DENND1B: variants seen among roughly 807,000 people sequenced by gnomAD.
The protein encoded by DENND1B is DENN domain-containing protein 1B.
A neutral mutation model predicts 90.1 loss-of-function variants in DENND1B; 59 were observed. The observed-to-expected ratio is 0.65, with a 90% confidence interval of 0.53 to 0.81. The LOEUF is 0.81. DENND1B is among the 40% of genes least tolerant of loss of function. The probability of loss-of-function intolerance (pLI) is 0.00; values close to 1 mark genes in which losing one functional copy is unlikely to be tolerated. For synonymous variants in DENND1B, 337 were observed against 324.6 expected (o/e 1.04, Z -0.41); for missense variants, 862 against 912.6 (o/e 0.94, Z 0.71).
At chr1:197,540,851 T>C in intron 19 of DENND1B, 108 bp downstream of exon 19, 2 of 1,011,784 alleles carry the variant, frequency 2.0e-6, no homozygotes, top group South Asian at 1.5e-5. Flanking sequence ...AACAAAGGGC[T>C]AAGCATATTT....
In DENND1B at chr1:197,507,149, C is replaced by CATTATT. The variant is rs67506479; in HGVS notation, c.*3305_*3310dup. On this transcript the variant is annotated 3_prime_UTR_variant, in exon 23 of 23. Coordinates refer to ENST00000620048, the MANE Select transcript of DENND1B (RefSeq NM_001195215.2). Reference sequence around the variant, plus strand: ...CAGCTAATAACTTCCAGGCAAAACACATTATTATTATTATTATTATTATTA... The same window carrying CATTATT: ...CAGCTAATAACTTCCAGGCAAAACACATTATTATTATTATTATTATTATTATTATTA... The CATTATT allele has an allele frequency of 1.4e-5, 2 of 142,828 alleles. No individual in the cohort carries two copies. The highest frequency in any genetic ancestry group is 5.1e-5 in the African/African-American group (2 of 39,306). The allele number at this position is 142,828 out of a possible 1,614,324, so 8.8% of individuals were successfully genotyped here.
chr1:197,660,083 G>T (rs1336721458), intron 5 of DENND1B, among the ~76,000 whole-genome samples: 1 of 151,564 alleles, frequency 6.6e-6, no homozygotes, highest in Admixed American at 6.6e-5. Context: ...AAAAAGTAAA[G>T]ATAGAAAGTT....
intron 15 of DENND1B, among the ~76,000 whole-genome samples, chr1:197,582,585 C>T (rs568595992): frequency 6.6e-6 from 1 of 152,236 alleles, no homozygotes; most frequent in Non-Finnish European, 1.5e-5. Flanking sequence ...AGAAGCAGTG[C>T]ATCCAAAATT....
chr1:197,636,365 A>G (rs1344365993), intron 10 of DENND1B, among the ~76,000 whole-genome samples: 1 of 152,170 alleles, frequency 6.6e-6, no homozygotes, highest in Non-Finnish European at 1.5e-5. Context: ...GAGGTTCCTT[A>G]AGGGAAGGGA....
intron 5 of DENND1B, among the ~76,000 whole-genome samples, chr1:197,667,575 G>A (rs945366554): frequency 8.5e-5 from 13 of 152,078 alleles, no homozygotes; most frequent in African/African-American, 2.4e-4. Flanking sequence ...GATTATAGGC[G>A]TGCGCCACCA....
intron 20 of DENND1B, among the ~76,000 whole-genome samples, chr1:197,530,077 C>T (rs187804676): frequency 1.6e-4 from 25 of 152,256 alleles, no homozygotes; most frequent in Non-Finnish European, 3.1e-4. Context: ...ATCAACAAAA[C>T]GAGCAACAGC....
In DENND1B at chr1:197,540,983, T is replaced by C. The variant is rs1440977353; in HGVS notation, c.1383A>G (p.Glu461=). 2.5e-6 allele frequency: 4 copies of C among 1,612,850 alleles called. No homozygotes were observed. Among genetic ancestry groups the C allele is most frequent in the Non-Finnish European group, 3.4e-6 (4 of 1,179,316 alleles). ...CCTTGTGTTTTAGTTTACTCTTCAC[T>C]TCCTTTAGTCCCAGCTTTGCATGAT... ...AKNHAKLGLK[E]VKSKLKHKEN... The change falls in exon 19 of 23, where the codon GAA becomes GAG. Residue 461 remains glutamate, a synonymous_variant. Coordinates refer to ENST00000620048, the MANE Select transcript of DENND1B (RefSeq NM_001195215.2).
intron 20 of DENND1B, among the ~76,000 whole-genome samples, chr1:197,536,125 GGAGA>G (rs71131773): frequency 1.4e-5 from 2 of 142,962 alleles, no homozygotes; most frequent in Admixed American, 1.4e-4. Context: ...AGGGAGAGAG[GGAGA>G]GAGAGAGATT....
rs549095885 is a variant in DENND1B at position 197,639,210 on chromosome 1, C to T, written c.672+3501G>A. Among the ~76,000 whole-genome samples, 112 of 151,924 alleles carry T rather than the reference C, an allele frequency of 7.4e-4. 1 individual carries two copies. The highest frequency in any genetic ancestry group is 2.6e-3 in the African/African-American group (108 of 41,422). ...TCCCGAGTAGCTGGGACTACAGGTG[C>T]GTGGTACCATGCCTGGCTAATTTTT... On this transcript the variant is annotated intron_variant, in intron 10 of 22. Coordinates refer to ENST00000620048, the MANE Select transcript of DENND1B (RefSeq NM_001195215.2).
chr1:197,511,396 G>A (rs1250284238), intron 22 of DENND1B, among the ~76,000 whole-genome samples: 1 of 151,498 alleles, frequency 6.6e-6, no homozygotes, highest in African/African-American at 2.4e-5. Context: ...TGAAAACTCA[G>A]GAAATATGGG....
intron 8 of DENND1B, among the ~76,000 whole-genome samples, 195 bp from the exon 9 acceptor site, chr1:197,645,938 C>G (rs746360882): frequency 3.3e-5 from 5 of 151,402 alleles, no homozygotes; most frequent in Admixed American, 2.6e-4. Context: ...CATTGCCATA[C>G]AAAAAGTTAA....
At chr1:197,737,244 G>A (rs749358865) in intron 2 of DENND1B, among the ~76,000 whole-genome samples, 1 of 152,168 alleles carries the variant, frequency 6.6e-6, no homozygotes, top group Non-Finnish European at 1.5e-5. Context: ...CGAAGTGGTT[G>A]GATCTAAGCA....
At chr1:197,569,652 GATTCA>G (rs1211637390) in intron 15 of DENND1B, among the ~76,000 whole-genome samples, 1 of 151,724 alleles carries the variant, frequency 6.6e-6, no homozygotes, top group Admixed American at 6.6e-5. Context: ...GCAACAACAT[GATTCA>G]ATCTGGAGGA....
chr1:197,707,050 T>C (rs548734769), intron 3 of DENND1B, among the ~76,000 whole-genome samples: 1 of 152,096 alleles, frequency 6.6e-6, no homozygotes, highest in Non-Finnish European at 1.5e-5. Context: ...AAATATGGTA[T>C]ACATACAAAA....
rs371522158 is a variant in DENND1B, at chr1:197,727,534, C to CA, written c.83-12461dup. Among the ~76,000 whole-genome samples the CA allele has an allele frequency of 4.4e-3, 485 of 110,216 alleles. 4 individuals carry two copies. Among genetic ancestry groups the CA allele is most frequent in the South Asian group, 9.9e-3 (35 of 3,546 alleles). The allele number at this position is 110,216 out of a possible 152,430, so 72.3% of individuals were successfully genotyped here. On this transcript the variant is annotated intron_variant, in intron 2 of 22. Transcript: ENST00000620048. ...TGGGAGACAGAGTGAGACTCCTTCT[C>CA]AAAAAAAAAAAAAGAAAAAGAAAAA...
chr1:197,676,288 G>A (rs1656068510), intron 3 of DENND1B, among the ~76,000 whole-genome samples: 1 of 151,900 alleles, frequency 6.6e-6, no homozygotes, highest in South Asian at 2.1e-4. Context: ...TTGGAAGGAG[G>A]CATAAAATGC....
upstream of DENND1B, among the ~76,000 whole-genome samples, chr1:197,779,169 C>T (rs1163332612): frequency 6.6e-6 from 1 of 152,110 alleles, no homozygotes; most frequent in African/African-American, 2.4e-5. Context: ...TTATTTATCC[C>T]TCACTCTTGA....
intron 2 of DENND1B, among the ~76,000 whole-genome samples, chr1:197,762,547 CTT>C (rs1325089725): frequency 2.0e-5 from 3 of 152,196 alleles, no homozygotes; most frequent in South Asian, 2.1e-4. Flanking sequence ...ATACTTACCT[CTT>C]TGCAACAGGA....
At chr1:197,680,413 T>A (rs1280145937) in intron 3 of DENND1B, among the ~76,000 whole-genome samples, 1 of 152,180 alleles carries the variant, frequency 6.6e-6, no homozygotes, top group Non-Finnish European at 1.5e-5. Flanking sequence ...TAAATGAATA[T>A]CAAGCAATCA....
Sources: allele counts gnomAD v4.1 joint callset (sites outside exome capture counted in the v4.1 genomes callset), GRCh38; gene constraint gnomAD v4.1.1; transcripts MANE v1.5; gene names NCBI Gene and HGNC (gene_info 2026-07-23, HGNC 2026-07-21).